The following TMEM132D variants were observed in gnomAD, a reference collection of about 807,000 sequenced individuals.
TMEM132D encodes mature OL transmembrane protein.
In TMEM132D, 21 loss-of-function variants were observed where a neutral mutation model predicts 62.3. The ratio of observed to expected loss-of-function variants is 0.34; its 90% CI spans 0.24 to 0.49. TMEM132D has a LOEUF of 0.49. TMEM132D is among the 20% of genes least tolerant of loss of function. TMEM132D has a pLI of 0.99. For synonymous variants in TMEM132D, 621 were observed against 575.6 expected (o/e 1.08, Z -1.13); for missense variants, 1,346 against 1,402.8 (o/e 0.96, Z 0.65).
intron 3 of TMEM132D, among the ~76,000 whole-genome samples, chr12:129,349,540 A>G (rs1351616108): frequency 6.6e-6 from 1 of 152,210 alleles, no homozygotes; most frequent in African/African-American, 2.4e-5. Flanking sequence ...TTTTATAGGA[A>G]AAGGCTTATT....
In TMEM132D at chr12:129,185,705, G is replaced by C. The variant is rs186345294; in HGVS notation, c.1443+23815C>G. ...TTTTATGTCCATATCTTATCTATCT[G>C]TCTGTCTGTCTCTATCTATCTGTCT... On this transcript the variant is annotated intron_variant, in intron 5 of 8. Transcript: ENST00000422113. 2.5e-4 allele frequency among the ~76,000 whole-genome samples: 37 copies of C among 149,234 alleles called. 1 individual carries two copies. Among genetic ancestry groups the C allele is most frequent in the African/African-American group, 7.5e-4 (29 of 38,876 alleles).
At chr12:129,484,261 A>G (rs1467583851) in intron 3 of TMEM132D, among the ~76,000 whole-genome samples, 1 of 152,108 alleles carries the variant, frequency 6.6e-6, no homozygotes, top group African/African-American at 2.4e-5. Flanking sequence ...AGTCACCGCA[A>G]GTCACCGCTC....
intron 1 of TMEM132D, among the ~76,000 whole-genome samples, chr12:129,874,045 T>A (rs1874336261): frequency 6.6e-6 from 1 of 152,182 alleles, no homozygotes; most frequent in South Asian, 2.1e-4. Flanking sequence ...AACAGAAGGC[T>A]ACAAACTTTC....
At chr12:129,091,490 A>G (rs1479579510) in intron 5 of TMEM132D, among the ~76,000 whole-genome samples, 1 of 146,202 alleles carries the variant, frequency 6.8e-6, no homozygotes, top group Non-Finnish European at 1.5e-5. Flanking sequence ...GACCTTACCT[A>G]TGCTCACCTG....
At chr12:129,785,731 G>A (rs1871232932) in intron 1 of TMEM132D, among the ~76,000 whole-genome samples, 1 of 152,106 alleles carries the variant, frequency 6.6e-6, no homozygotes, top group African/African-American at 2.4e-5. Context: ...ATGAATTTCT[G>A]TTGTTTAAGC....
chr12:129,788,316 A>G (rs748239587), intron 1 of TMEM132D, among the ~76,000 whole-genome samples: 2 of 152,220 alleles, frequency 1.3e-5, no homozygotes, highest in African/African-American at 4.8e-5. Flanking sequence ...TCAATTCCAA[A>G]TATCAGATTA....
At chr12:129,327,689 T>C (rs974650106) in intron 4 of TMEM132D, among the ~76,000 whole-genome samples, 10 of 152,132 alleles carry the variant, frequency 6.6e-5, no homozygotes, top group Non-Finnish European at 1.3e-4. Context: ...ATCTTCACCA[T>C]CCCCATCATC....
chr12:129,279,838 C>G (rs951352153), intron 4 of TMEM132D, among the ~76,000 whole-genome samples: 2 of 152,224 alleles, frequency 1.3e-5, no homozygotes, highest in African/African-American at 4.8e-5. Context: ...TTCTAAATGA[C>G]ATGACTTCAT....
chr12:129,255,047 T>C (rs1045074096), intron 4 of TMEM132D, among the ~76,000 whole-genome samples: 1 of 152,068 alleles, frequency 6.6e-6, no homozygotes, highest in Non-Finnish European at 1.5e-5. Context: ...TCTCACAAAA[T>C]CTGGTTGTTT....
chr12:129,732,635 G>A (rs1301405506), intron 1 of TMEM132D, among the ~76,000 whole-genome samples: 3 of 152,162 alleles, frequency 2.0e-5, no homozygotes, highest in Non-Finnish European at 2.9e-5. Context: ...AGGTGTAAAT[G>A]CTCCCTGAGG....
At chr12:129,129,670 T>C (rs1203929993) in intron 5 of TMEM132D, among the ~76,000 whole-genome samples, 1 of 152,198 alleles carries the variant, frequency 6.6e-6, no homozygotes, top group Non-Finnish European at 1.5e-5. Context: ...GACTTTTTAA[T>C]ACTAGCCATA....
intron 3 of TMEM132D, among the ~76,000 whole-genome samples, chr12:129,490,588 C>T (rs1186797407): frequency 7.3e-6 from 1 of 136,808 alleles, no homozygotes. Context: ...GCCCACCACG[C>T]CCGGCTAATT....
At chr12:129,368,767 CA>C (rs112029120) in intron 3 of TMEM132D, among the ~76,000 whole-genome samples, 5,692 of 132,936 alleles carry the variant, frequency 0.043, 139 homozygotes, top group East Asian at 0.072. Context: ...ACCTTTCCAC[CA>C]AAAAAAAAAA....
In TMEM132D at chr12:129,779,838, G is replaced by T. The variant is rs1871065336; in HGVS notation, c.80-79140C>A. Among the ~76,000 whole-genome samples the T allele has an allele frequency of 6.6e-6, 1 of 152,118 alleles. No homozygotes were observed. Among genetic ancestry groups the T allele is most frequent in the Non-Finnish European group, 1.5e-5 (1 of 68,006 alleles). ...CCACTTGGGGAAGACAGAGAGAAAT[G>T]AACTGAGCTGCGAGGACAATAATTA... On this transcript the variant is annotated intron_variant, in intron 1 of 8. Coordinates refer to ENST00000422113, the MANE Select transcript of TMEM132D (RefSeq NM_133448.3). The surrounding 1 kb of genome is among the most constrained non-coding windows in gnomAD (Gnocchi z 4.1).
At chr12:129,456,111 T>G (rs1008501246) in intron 3 of TMEM132D, among the ~76,000 whole-genome samples, 1 of 152,180 alleles carries the variant, frequency 6.6e-6, no homozygotes, top group Admixed American at 6.5e-5. Context: ...ACCTTTGAAG[T>G]AAAATAAAAA....
At chr12:129,559,579 T>C (rs537107489) in intron 2 of TMEM132D, among the ~76,000 whole-genome samples, 3 of 152,204 alleles carry the variant, frequency 2.0e-5, no homozygotes, top group Non-Finnish European at 2.9e-5. Flanking sequence ...GTTATTACCA[T>C]CTAAGAGCAT....
At chr12:129,591,024 G>A (rs1332869288) in intron 2 of TMEM132D, among the ~76,000 whole-genome samples, 1 of 152,132 alleles carries the variant, frequency 6.6e-6, no homozygotes, top group Non-Finnish European at 1.5e-5. Flanking sequence ...AGAAAAGAAA[G>A]AAAAAGAATA....
intron 5 of TMEM132D, among the ~76,000 whole-genome samples, chr12:129,157,678 T>C (rs958305908): frequency 1.3e-5 from 2 of 152,236 alleles, no homozygotes; most frequent in Non-Finnish European, 2.9e-5. Flanking sequence ...AACTGAATGC[T>C]GGCTGAAAAC....
At chr12:129,563,970 C>G (rs77326051) in intron 2 of TMEM132D, among the ~76,000 whole-genome samples, 3,155 of 152,284 alleles carry the variant, frequency 0.021, 93 homozygotes, top group African/African-American at 0.072. Flanking sequence ...AATCAAACTC[C>G]TGGCTGATAG....
Sources: allele counts gnomAD v4.1 joint callset (sites outside exome capture counted in the v4.1 genomes callset), GRCh38; gene constraint gnomAD v4.1.1; non-coding constraint Gnocchi (gnomAD v3.1); transcripts MANE v1.5; gene names NCBI Gene and HGNC (gene_info 2026-07-23, HGNC 2026-07-21).